Variants in TAFA5 observed in about 807,000 individuals in gnomAD.
TAFA5 encodes chemokine-like protein TAFA-5.
A neutral mutation model predicts 15.3 loss-of-function variants in TAFA5; 6 were observed. The observed-to-expected ratio is 0.39, with a 90% CI of 0.21 to 0.77. The LOEUF is 0.77. TAFA5 is among the 30% of genes least tolerant of loss of function. The pLI, the probability that TAFA5 is intolerant of heterozygous loss-of-function variation, is 0.41. For missense variants in TAFA5, 161 were observed against 193.1 expected, an observed-to-expected ratio of 0.83 and a Z score of 0.98; for synonymous variants, 103 against 80.7, an observed-to-expected ratio of 1.28 and a Z score of -1.48.
At chr22:48,724,781 G>T (rs1359391018) in intron 3 of TAFA5, among the ~76,000 whole-genome samples, 2 of 152,206 alleles carry the variant, frequency 1.3e-5, no homozygotes, top group African/African-American at 2.4e-5. Flanking sequence ...AGAAACTAGT[G>T]ATCAGAGGGT....
At chr22:48,734,339 A>G (rs1342526354) in intron 3 of TAFA5, among the ~76,000 whole-genome samples, 1 of 152,260 alleles carries the variant, frequency 6.6e-6, no homozygotes, top group Non-Finnish European at 1.5e-5. Flanking sequence ...TCAAAAGTTA[A>G]TCTTTACATT....
intron 2 of TAFA5, among the ~76,000 whole-genome samples, chr22:48,675,758 G>A (rs1462616009): frequency 1.3e-5 from 2 of 152,242 alleles, no homozygotes; most frequent in African/African-American, 2.4e-5. Flanking sequence ...GAGGCCTGAG[G>A]CCTCCTGCTC....
intron 1 of TAFA5, among the ~76,000 whole-genome samples, chr22:48,624,261 C>A (rs575763886): frequency 1.3e-5 from 2 of 152,194 alleles, no homozygotes; most frequent in Non-Finnish European, 2.9e-5. Flanking sequence ...CACATCCTAT[C>A]GGGGCATCCA....
intron 3 of TAFA5, among the ~76,000 whole-genome samples, chr22:48,747,832 G>A (rs981390131): frequency 6.6e-6 from 1 of 150,926 alleles, no homozygotes; most frequent in Non-Finnish European, 1.5e-5. Flanking sequence ...GGGAGGCAGA[G>A]GTTGCGGTGA....
At chr22:48,559,839 G>A (rs1320749065) in intron 1 of TAFA5, among the ~76,000 whole-genome samples, 2 of 152,170 alleles carry the variant, frequency 1.3e-5, no homozygotes, top group Admixed American at 1.3e-4. Flanking sequence ...CAGGGGCAGC[G>A]CCACAGGCCC....
chr22:48,550,305 C>CA lies in TAFA5; in HGVS notation c.112+60601_112+60602insA, dbSNP rs1922814168. 6.6e-6 allele frequency among the ~76,000 whole-genome samples: 1 copy of CA among 152,216 alleles called. No homozygotes were observed. Among genetic ancestry groups the CA allele is most frequent in the South Asian group, 2.1e-4 (1 of 4,828 alleles). ...CCTGGGAGAACAGGGTCAGTGCAGG[C>CA]CACAGGTGAGGCCAGATGCAGACAG... On this transcript the variant is annotated intron_variant, in intron 1 of 3. Transcript: ENST00000402357. This position sits in a 1 kb window ranked among gnomAD's most constrained non-coding sequence, Gnocchi z 4.1.
chr22:48,652,775 A>G (rs1202852881), intron 2 of TAFA5, among the ~76,000 whole-genome samples: 1 of 152,248 alleles, frequency 6.6e-6, no homozygotes, highest in South Asian at 2.1e-4. Flanking sequence ...CGCGACGGAG[A>G]CCAGCTGGGT....
At chr22:48,543,331 G>T (rs931070048) in intron 1 of TAFA5, 2 of 152,142 alleles carry the variant, frequency 1.3e-5, no homozygotes, top group Non-Finnish European at 2.9e-5. Context: ...TTCATAAAAG[G>T]ATCGTAAAGT....
intron 2 of TAFA5, among the ~76,000 whole-genome samples, chr22:48,657,647 G>C (rs1285439910): frequency 6.6e-6 from 1 of 152,218 alleles, no homozygotes; most frequent in Non-Finnish European, 1.5e-5. Flanking sequence ...CCTCATCCCT[G>C]AGGCACGTGT....
rs577120830 is a variant in TAFA5, at chr22:48,646,040, G to A, written c.113-557G>A. Among the ~76,000 whole-genome samples the A allele has an allele frequency of 4.6e-5, 7 of 152,300 alleles. No individual in the cohort carries two copies. In the South Asian group the frequency reaches 1.2e-3, roughly 27 times the overall value. On this transcript the variant is annotated intron_variant, in intron 1 of 3. Coordinates refer to ENST00000402357, the MANE Select transcript of TAFA5 (RefSeq NM_001082967.3). The stretch of plus-strand genomic sequence containing the variant: ...GGCATCGATGCACACAGTGGTGCCC[G>A]CCTGCTCGTTCCTCTGTACCCAGGC...
At chr22:48,704,200 GCA>G (rs61363637) in intron 2 of TAFA5, among the ~76,000 whole-genome samples, 23 of 150,124 alleles carry the variant, frequency 1.5e-4, no homozygotes, top group East Asian at 3.9e-4. Flanking sequence ...ACACACACGC[GCA>G]CACACACACA....
At chr22:48,749,280 C>A (rs576104058) in intron 3 of TAFA5, among the ~76,000 whole-genome samples, 6 of 152,318 alleles carry the variant, frequency 3.9e-5, no homozygotes, top group Admixed American at 3.3e-4. Flanking sequence ...TCTTTCAGAT[C>A]CCCATCCCCC....
At chr22:48,555,523 G>A (rs749043819) in intron 1 of TAFA5, among the ~76,000 whole-genome samples, 11 of 152,232 alleles carry the variant, frequency 7.2e-5, no homozygotes, top group Admixed American at 2.6e-4. Flanking sequence ...GTCTTCAGAA[G>A]TGCGGATCTT....
intron 1 of TAFA5, among the ~76,000 whole-genome samples, chr22:48,602,113 C>T (rs1010216981): frequency 8.5e-5 from 13 of 152,180 alleles, no homozygotes; most frequent in African/African-American, 2.9e-4. Context: ...TGCCGACTCC[C>T]CAGCCTGCAT....
chr22:48,629,445 A>G (rs5771996), intron 1 of TAFA5, among the ~76,000 whole-genome samples: 131,243 of 152,272 alleles, frequency 0.86, 57,041 homozygotes, highest in East Asian at 1. Flanking sequence ...CCCACAGTCC[A>G]CAGCTCCCTG....
At chr22:48,535,143 T>G (rs772022109) in intron 1 of TAFA5, among the ~76,000 whole-genome samples, 3 of 152,138 alleles carry the variant, frequency 2.0e-5, no homozygotes, top group Non-Finnish European at 2.9e-5. Flanking sequence ...GGGAACGTTC[T>G]GCTGTGCACA....
intron 1 of TAFA5, among the ~76,000 whole-genome samples, chr22:48,504,683 G>A (rs1920976844): frequency 6.6e-6 from 1 of 152,242 alleles, no homozygotes; most frequent in South Asian, 2.1e-4. Flanking sequence ...GCTCTGGCAG[G>A]ACATGCATGG....
Position 48,560,978 on chromosome 22 carries a change from T to C in TAFA5, c.112+71274T>C, listed in dbSNP as rs1923210441. ...GAGCAGTTCTCATCCTGTGCAGTCC[T>C]CTACACCTGGGGATGGAGCGGTTCC... On this transcript the variant is annotated intron_variant, in intron 1 of 3. Transcript: ENST00000402357. This position sits in a 1 kb window ranked among gnomAD's most constrained non-coding sequence, Gnocchi z 4.2. 6.6e-6 allele frequency among the ~76,000 whole-genome samples: 1 copy of C among 152,162 alleles called. No individual in the cohort carries two copies. The highest frequency in any genetic ancestry group is 6.5e-5 in the Admixed American group (1 of 15,276).
chr22:48,629,042 A>G lies in TAFA5; in HGVS notation c.113-17555A>G, dbSNP rs1926120983. Among the ~76,000 whole-genome samples, 4 of 152,298 alleles carry G rather than the reference A, an allele frequency of 2.6e-5. No individual in the cohort carries two copies. The South Asian group carries it at 8.3e-4, about 32-fold the overall frequency. ...CACAGCACACTCGCAGCTGCCGGGC[A>G]GAGGGGAAGCCCTGGCCCCTCCGCA... On this transcript the variant is annotated intron_variant, in intron 1 of 3. Transcript: ENST00000402357.
Sources: allele counts gnomAD v4.1 joint callset (sites outside exome capture counted in the v4.1 genomes callset), GRCh38; gene constraint gnomAD v4.1.1; non-coding constraint Gnocchi (gnomAD v3.1); transcripts MANE v1.5; gene names NCBI Gene and HGNC (gene_info 2026-07-23, HGNC 2026-07-21).